The following PKHD1 variants were observed in gnomAD, a reference collection of about 807,000 sequenced individuals.
PKHD1 encodes fibrocystin.
Under a neutral mutation model 412.0 loss-of-function variants are expected in PKHD1, and 291 were observed. The observed-to-expected ratio is 0.71, with a 90% confidence interval of 0.64 to 0.78. PKHD1 has a LOEUF of 0.78. Among genes scored for constraint, PKHD1 ranks in the 30% least tolerant of loss-of-function variants. The pLI, the probability that PKHD1 is intolerant of heterozygous loss-of-function variation, is 0.00. For synonymous variants in PKHD1, 1,777 were observed against 1,821.5 expected (o/e 0.98, Z 0.62); for missense variants, 4,825 against 4,950.7 (o/e 0.97, Z 0.76).
intron 53 of PKHD1, among the ~76,000 whole-genome samples, chr6:51,784,361 T>G (rs1792522745): frequency 6.6e-6 from 1 of 152,214 alleles, no homozygotes. Context: ...TCCTGTTTTT[T>G]GTCAGCTCTG....
In PKHD1 at chr6:51,830,941, G is replaced by A. The variant is rs1481460165; in HGVS notation, c.8222C>T (p.Thr2741Ile). The A allele has an allele frequency of 1.2e-6, 2 of 1,611,718 alleles. No homozygotes were observed. Among genetic ancestry groups the A allele is most frequent in the South Asian group, 1.1e-5 (1 of 91,056 alleles). The change falls in exon 52 of 67, where the codon ACA becomes ATA. Residue 2741 changes from threonine to isoleucine, a missense_variant. Thr to Ile is a moderately conservative substitution (Grantham distance 89, BLOSUM62 -1). Transcript: ENST00000371117. The part of the protein sequence containing the change: ...ESALKWSLPE[T>I]WQGVEEGWGG... Reference sequence around the variant, plus strand: ...CCAGCCTTCTTCAACACCTTGCCATGTTTCAGGGAGGGACCATTTTAAAGC... The same window carrying A: ...CCAGCCTTCTTCAACACCTTGCCATATTTCAGGGAGGGACCATTTTAAAGC...
intron 35 of PKHD1, among the ~76,000 whole-genome samples, chr6:52,000,837 T>G (rs910377003): frequency 1.3e-5 from 2 of 152,182 alleles, no homozygotes; most frequent in African/African-American, 4.8e-5. Flanking sequence ...TAACATATCT[T>G]GATATGAGAG....
At chr6:51,864,825 G>T (rs1774787497) in intron 48 of PKHD1, among the ~76,000 whole-genome samples, 1 of 151,792 alleles carries the variant, frequency 6.6e-6, no homozygotes, top group South Asian at 2.1e-4. Flanking sequence ...TATATGGTGG[G>T]TAATTCACTC....
At chr6:51,722,556 C>A (rs1397615695) in intron 60 of PKHD1, among the ~76,000 whole-genome samples, 1 of 152,166 alleles carries the variant, frequency 6.6e-6, no homozygotes, top group Non-Finnish European at 1.5e-5. Flanking sequence ...TTGTAAAGAC[C>A]TGATCCGTAA....
intron 60 of PKHD1, chr6:51,721,867 A>AC: frequency 6.4e-7 from 1 of 1,560,254 alleles, no homozygotes; most frequent in Non-Finnish European, 8.7e-7. Context: ...CTCAATTTGA[A>AC]CAATTGAAAC....
chr6:52,049,651 A>C (rs143224480), intron 22 of PKHD1, among the ~76,000 whole-genome samples: 1 of 152,304 alleles, frequency 6.6e-6, no homozygotes, highest in Non-Finnish European at 1.5e-5. Flanking sequence ...AGAAATGGTT[A>C]TTATGAAGCA....
At chr6:52,031,978 T>C (rs1803122060) in intron 29 of PKHD1, among the ~76,000 whole-genome samples, 1 of 152,222 alleles carries the variant, frequency 6.6e-6, no homozygotes, top group Admixed American at 6.5e-5. Context: ...TAAGAAATTT[T>C]ATTAAAAGCC....
chr6:51,989,906 AGGAAG>A (rs1796708417), intron 35 of PKHD1, among the ~76,000 whole-genome samples: 1 of 81,648 alleles, frequency 1.2e-5, no homozygotes, highest in Admixed American at 1.3e-4. Flanking sequence ...GGAGGGAGGA[AGGAAG>A]GAAGGAAGGA....
intron 55 of PKHD1, among the ~76,000 whole-genome samples, chr6:51,762,770 T>C (rs1306536199): frequency 1.3e-5 from 2 of 152,096 alleles, no homozygotes; most frequent in Middle Eastern, 3.4e-3. Flanking sequence ...GAATTGACTT[T>C]TAAGATTGTA....
chr6:51,644,560 G>A (rs1345428324), intron 63 of PKHD1, among the ~76,000 whole-genome samples: 1 of 152,156 alleles, frequency 6.6e-6, no homozygotes, highest in Middle Eastern at 3.2e-3. Context: ...TGATTTTGCA[G>A]GTAGGCTGAT....
At chr6:51,666,048 C>T (rs1300635091) in intron 60 of PKHD1, among the ~76,000 whole-genome samples, 1 of 151,906 alleles carries the variant, frequency 6.6e-6, no homozygotes, top group Non-Finnish European at 1.5e-5. Context: ...AGATGAGGGG[C>T]AGGAAAGTTG....
At chr6:51,949,143 C>T (rs1170788207) in intron 36 of PKHD1, among the ~76,000 whole-genome samples, 3 of 152,208 alleles carry the variant, frequency 2.0e-5, no homozygotes, top group Non-Finnish European at 4.4e-5. Context: ...TTACTCAAAG[C>T]TTGAACTATC....
In PKHD1 at chr6:52,046,206, G is replaced by T. The variant is rs755397118; in HGVS notation, c.2408-18C>A. On this transcript the variant is annotated intron_variant, in intron 23 of 66. Transcript: ENST00000371117. Reference sequence around the variant, plus strand: ...AGGGACATCTGTGAGAGAAGGTTTTGATACAGAAAACACAGACACTAATTA... The same window carrying T: ...AGGGACATCTGTGAGAGAAGGTTTTTATACAGAAAACACAGACACTAATTA... 64 of 1,585,934 alleles carry T rather than the reference G, an allele frequency of 4.0e-5. No homozygotes were observed. The highest frequency in any genetic ancestry group is 5.4e-5 in the Non-Finnish European group (62 of 1,154,506).
intron 60 of PKHD1, among the ~76,000 whole-genome samples, chr6:51,666,650 C>T (rs1268313620): frequency 3.3e-5 from 5 of 150,680 alleles, no homozygotes; most frequent in South Asian, 4.2e-4. Context: ...CCCACTAACT[C>T]GTCATCTAGC....
intron 49 of PKHD1, 48 bp from the exon 50 acceptor site, chr6:51,848,018 C>T: frequency 5.4e-6 from 7 of 1,297,114 alleles, no homozygotes; most frequent in Non-Finnish European, 7.8e-6. Context: ...TAAGGAACCC[C>T]ATCATTCCAC....
intron 34 of PKHD1, among the ~76,000 whole-genome samples, chr6:52,013,354 T>C (rs1800045057): frequency 6.6e-6 from 1 of 152,216 alleles, no homozygotes; most frequent in East Asian, 1.9e-4. Context: ...GGACTTTTTG[T>C]TTACCAGCTT....
In PKHD1 at chr6:51,772,769, G is replaced by C. The variant is rs727504086; in HGVS notation, c.8575C>G (p.Leu2859Val). The C allele has an allele frequency of 2.2e-5, 35 of 1,590,672 alleles. No homozygotes were observed. The highest frequency in any genetic ancestry group is 2.8e-5 in the Non-Finnish European group (33 of 1,159,390). The change falls in exon 55 of 67, where the codon CTT becomes GTT. Residue 2859 changes from leucine (L) to valine (V), a missense_variant. Transcript: ENST00000371117. The stretch of plus-strand genomic sequence containing the variant: ...GAGTTCTTAGGATAAGCACTGTAAA[G>C]ATGAACTTTCCCATAAACCCCTGAA... ...GTIGVYGKVH[L>V]YSAYPKNSWT...
At chr6:51,994,200 T>C (rs967057928) in intron 35 of PKHD1, among the ~76,000 whole-genome samples, 5 of 151,794 alleles carry the variant, frequency 3.3e-5, no homozygotes, top group Admixed American at 6.6e-5. Context: ...AGTGGCACTA[T>C]CTCGGCTCAC....
chr6:51,654,695 G>C (rs1175173679), intron 61 of PKHD1, among the ~76,000 whole-genome samples: 2 of 150,444 alleles, frequency 1.3e-5, no homozygotes, highest in African/African-American at 4.9e-5. Context: ...CAGCAAAATA[G>C]CAGAAAAAAT....
Sources: gnomAD v4.1 joint callset for allele counts (sites outside exome capture counted in the v4.1 genomes callset) on GRCh38, gnomAD v4.1.1 for gene constraint, MANE v1.5 for transcripts, NCBI Gene and HGNC (gene_info 2026-07-23, HGNC 2026-07-21) for gene names.